Variants in STYX observed in about 807,000 individuals in gnomAD.
STYX encodes serine/threonine/tyrosine-interacting protein.
STYX carries 20 observed loss-of-function variants against 42.7 expected under a neutral mutation model. That is an observed-to-expected ratio of 0.47 (90% CI 0.33 to 0.68). The LOEUF (loss-of-function observed/expected upper bound fraction) is 0.68, where lower values mean the gene tolerates loss of function less well. STYX is among the 30% of genes least tolerant of loss of function. The pLI is 0.02. For missense variants in STYX, 226 were observed against 268.5 expected (o/e 0.84, Z 1.11); for synonymous variants, 78 against 81.9 (o/e 0.95, Z 0.26).
chr14:52,757,286 G>A (rs766803578), intron 5 of STYX, 33 bp from the exon 6 acceptor site: 30 of 1,553,442 alleles, frequency 1.9e-5, no homozygotes, highest in Non-Finnish European at 2.5e-5. Flanking sequence ...TTTATTTTAT[G>A]CTTACATTAA....
intron 9 of STYX, among the ~76,000 whole-genome samples, chr14:52,762,836 G>A (rs984137261): frequency 5.6e-5 from 8 of 141,900 alleles, no homozygotes; most frequent in Non-Finnish European, 1.1e-4. Context: ...TTCTTCATTT[G>A]GTGTATCGGT....
Position 52,774,591 on chromosome 14 carries a change from A to ATTTTTTTTTTTTTT in STYX, c.*3489_*3502dup, listed in dbSNP as rs36115577. 1 of 136,264 alleles carries ATTTTTTTTTTTTTT rather than the reference A, an allele frequency of 7.3e-6. No homozygotes were observed. Among genetic ancestry groups the ATTTTTTTTTTTTTT allele is most frequent in the African/African-American group, 2.7e-5 (1 of 37,052 alleles). 8.4% of individuals were successfully genotyped at this position (136,264 alleles called of 1,614,324 possible). A position where few individuals can be genotyped will look rare whatever the true frequency, so the allele number is the denominator to read the frequency against. ...GTCTCTAGGGTCTTTGAATGCTGGA[A>ATTTTTTTTTTTTTT]TTTTTTTTTTTTTTTTTGTCTTTCC... On this transcript the variant is annotated 3_prime_UTR_variant, in exon 11 of 11. Coordinates refer to ENST00000354586, the MANE Select transcript of STYX (RefSeq NM_145251.4).
At position 52,774,299 on chromosome 14, in the gene STYX, G is replaced by GA. The variant is rs1882633836; in HGVS notation, c.*3196dup. 6.6e-6 allele frequency: 1 copy of GA among 151,968 alleles called. No individual in the cohort carries two copies. Among genetic ancestry groups the GA allele is most frequent in the African/African-American group, 2.4e-5 (1 of 41,372 alleles). The allele number at this position is 151,968 out of a possible 1,614,324, so 9.4% of individuals were successfully genotyped here. A position where few individuals can be genotyped will look rare whatever the true frequency, so the allele number is the denominator to read the frequency against. On this transcript the variant is annotated 3_prime_UTR_variant, in exon 11 of 11. Transcript: ENST00000354586. ...TTAATATGGTAATTCAAGTGAATTAGAAATATTTAACTGCAATCTTGAATT... is the reference window on the plus strand; with the variant it reads ...TTAATATGGTAATTCAAGTGAATTAGAAAATATTTAACTGCAATCTTGAATT...
At chr14:52,735,781 A>G (rs1880922660) in intron 1 of STYX, among the ~76,000 whole-genome samples, 1 of 152,228 alleles carries the variant, frequency 6.6e-6, no homozygotes, top group Admixed American at 6.5e-5. Context: ...TGATCAAGCT[A>G]TGATAGGTTG....
intron 10 of STYX, among the ~76,000 whole-genome samples, chr14:52,770,599 G>A (rs932043094): frequency 6.6e-6 from 1 of 151,992 alleles, no homozygotes; most frequent in Non-Finnish European, 1.5e-5. Context: ...AATATTTTCA[G>A]CTGCTCTTCA....
At position 52,771,799 on chromosome 14, in the gene STYX, A is replaced by G. The variant is rs572139201; in HGVS notation, c.*693A>G. The G allele has an allele frequency of 6.6e-6, 1 of 152,442 alleles. No individual in the cohort carries two copies. The highest frequency in any genetic ancestry group is 1.5e-5 in the Non-Finnish European group (1 of 67,918). 9.4% of individuals were successfully genotyped at this position (152,442 alleles called of 1,614,324 possible). The stretch of plus-strand genomic sequence containing the variant: ...CTTTCCTAATTTTTCTATATTTTAA[A>G]AACTACAGTTTCCATGATAAAAGGA... On this transcript the variant is annotated 3_prime_UTR_variant, in exon 11 of 11. Transcript: ENST00000354586.
chr14:52,751,528 A>C (rs549183247), intron 4 of STYX, among the ~76,000 whole-genome samples: 1 of 152,226 alleles, frequency 6.6e-6, no homozygotes, highest in Admixed American at 6.5e-5. Flanking sequence ...ATCAGTGTAC[A>C]TTCCCATTAT....
chr14:52,743,768 C>T (rs576549264), intron 1 of STYX, among the ~76,000 whole-genome samples: 2 of 152,158 alleles, frequency 1.3e-5, no homozygotes, highest in Admixed American at 1.3e-4. Context: ...GAGTTTTAAG[C>T]AACCAACTTA....
chr14:52,756,308 T>C (rs775698725), intron 4 of STYX, among the ~76,000 whole-genome samples: 114 of 152,216 alleles, frequency 7.5e-4, no homozygotes, highest in Non-Finnish European at 1.5e-3. Flanking sequence ...ATTATAGGCA[T>C]GAGCCATTGT....
chr14:52,758,532 G>A (rs1881963854), intron 8 of STYX, among the ~76,000 whole-genome samples: 1 of 151,990 alleles, frequency 6.6e-6, no homozygotes, highest in Non-Finnish European at 1.5e-5. Context: ...GGATAACTTT[G>A]CTTAAAAATA....
chr14:52,741,665 A>C (rs1167305681), intron 1 of STYX, among the ~76,000 whole-genome samples: 3 of 152,176 alleles, frequency 2.0e-5, no homozygotes, highest in East Asian at 1.9e-4. Context: ...TAAACTTCTG[A>C]GCTCAAGTGA....
chr14:52,735,254 T>A lies in STYX; in HGVS notation c.57+4723T>A, dbSNP rs1480817988. On this transcript the variant is annotated intron_variant, in intron 1 of 10. Coordinates refer to ENST00000354586, the MANE Select transcript of STYX (RefSeq NM_145251.4). ...TTGGCCATCTGGGGTCACACCTTTA[T>A]GAGCTTGGTTATTGAGGAATAAAAC... Among the ~76,000 whole-genome samples, 22 of 152,312 alleles carry A rather than the reference T, an allele frequency of 1.4e-4. No homozygotes were observed. In the South Asian group the frequency reaches 4.1e-3, roughly 29 times the overall value.
chr14:52,750,728 C>T lies in STYX; in HGVS notation c.190C>T (p.Arg64Ter), dbSNP rs931639551. ...TGGAATAACCCATATAATATGCATA[C>T]GACAAAATATTGAAGCAAACTTTAT... is the stretch of plus-strand genomic sequence containing the variant. ...KHGITHIICI[R>*]QNIEANFIKP... The change falls in exon 4 of 11, where the codon CGA (arginine) becomes TGA (stop). Residue 64 changes from arginine (R) to a stop codon, truncating the protein, a stop_gained. Coordinates refer to ENST00000354586, the MANE Select transcript of STYX (RefSeq NM_145251.4). LOFTEE classifies it high-confidence loss of function. 5.0e-6 allele frequency: 8 copies of T among 1,591,788 alleles called. No individual in the cohort carries two copies. Among genetic ancestry groups the T allele is most frequent in the Non-Finnish European group, 6.0e-6 (7 of 1,171,328 alleles).
chr14:52,736,761 A>T (rs1381146893), intron 1 of STYX, among the ~76,000 whole-genome samples: 4 of 152,192 alleles, frequency 2.6e-5, no homozygotes, highest in African/African-American at 7.2e-5. Flanking sequence ...ATTTATCTGA[A>T]TGAAGCTAGA....
intron 9 of STYX, among the ~76,000 whole-genome samples, chr14:52,763,185 C>T (rs1882168567): frequency 6.6e-6 from 1 of 152,018 alleles, no homozygotes; most frequent in Non-Finnish European, 1.5e-5. Context: ...AGCCACTGCT[C>T]CTGGCCTGGT....
At chr14:52,750,878 G>T in intron 4 of STYX, 98 bp downstream of exon 4, 1 of 697,616 alleles carries the variant, frequency 1.4e-6, no homozygotes, top group East Asian at 2.9e-5. Flanking sequence ...TTGTAAAAAT[G>T]GGTCATATAG....
intron 1 of STYX, 77 bp from the exon 2 acceptor site, chr14:52,744,775 G>T: frequency 7.5e-7 from 1 of 1,328,884 alleles, no homozygotes. Context: ...CTACATACTT[G>T]TGTGTCACAT....
chr14:52,737,278 G>C (rs1314393458), intron 1 of STYX, among the ~76,000 whole-genome samples: 1 of 152,048 alleles, frequency 6.6e-6, no homozygotes, highest in Non-Finnish European at 1.5e-5. Flanking sequence ...TTTATTTGAG[G>C]GTCTTTGAAC....
chr14:52,736,045 T>C (rs1368364994), intron 1 of STYX, among the ~76,000 whole-genome samples: 1 of 152,228 alleles, frequency 6.6e-6, no homozygotes, highest in African/African-American at 2.4e-5. Context: ...CTCTTCTTGC[T>C]CCTTTCTCTG....
Sources: gnomAD v4.1 joint callset for allele counts (sites outside exome capture counted in the v4.1 genomes callset) on GRCh38, gnomAD v4.1.1 for gene constraint, MANE v1.5 for transcripts, NCBI Gene and HGNC (gene_info 2026-07-23, HGNC 2026-07-21) for gene names.